The following SLC9A9 variants were observed in gnomAD, a reference collection of about 807,000 sequenced individuals.
SLC9A9 encodes the protein sodium/hydrogen exchanger 9.
SLC9A9 carries 62 observed loss-of-function variants against 77.8 expected under a neutral mutation model. That is an observed-to-expected ratio of 0.80 (90% CI 0.65 to 0.98). The LOEUF (loss-of-function observed/expected upper bound fraction) is 0.98, where lower values mean the gene tolerates loss of function less well. Among genes scored for constraint, SLC9A9 ranks in the 50% least tolerant of loss-of-function variants. SLC9A9 has a pLI of 0.00. For missense variants in SLC9A9, 775 were observed against 774.9 expected, an observed-to-expected ratio of 1.00 and a Z score of 0.00; for synonymous variants, 320 against 283.5, an observed-to-expected ratio of 1.13 and a Z score of -1.29.
chr3:143,785,147 A>G (rs766787072), intron 4 of SLC9A9, among the ~76,000 whole-genome samples: 1 of 152,178 alleles, frequency 6.6e-6, no homozygotes, highest in Admixed American at 6.5e-5. Context: ...ACCCTTTTGC[A>G]ATGTGACATT....
At chr3:143,799,744 C>T (rs1424695608) in intron 2 of SLC9A9, among the ~76,000 whole-genome samples, 1 of 152,226 alleles carries the variant, frequency 6.6e-6, no homozygotes, top group African/African-American at 2.4e-5. Context: ...ATCTTCTCAG[C>T]TTAGCGGCTG....
chr3:143,453,377 T>C (rs2035039661), intron 12 of SLC9A9, among the ~76,000 whole-genome samples: 2 of 152,018 alleles, frequency 1.3e-5, no homozygotes, highest in African/African-American at 2.4e-5. Flanking sequence ...TAATAATACC[T>C]AAACCCAGTA....
intron 9 of SLC9A9, among the ~76,000 whole-genome samples, chr3:143,528,283 T>C (rs1487576907): frequency 1.3e-5 from 2 of 152,238 alleles, no homozygotes; most frequent in Non-Finnish European, 2.9e-5. Flanking sequence ...GTAAGAATTA[T>C]TGTTGGAATT....
chr3:143,348,810 G>T (rs1473353608), intron 14 of SLC9A9, among the ~76,000 whole-genome samples: 1 of 152,156 alleles, frequency 6.6e-6, no homozygotes, highest in Non-Finnish European at 1.5e-5. Context: ...TGTCTAGAAC[G>T]CTTTGGGTAC....
At chr3:143,464,181 T>G (rs2035243217) in intron 12 of SLC9A9, among the ~76,000 whole-genome samples, 1 of 152,214 alleles carries the variant, frequency 6.6e-6, no homozygotes, top group Non-Finnish European at 1.5e-5. Flanking sequence ...TTGTGTGATT[T>G]TATTAAAGCT....
At chr3:143,549,980 G>A (rs538339609) in intron 9 of SLC9A9, among the ~76,000 whole-genome samples, 1 of 152,240 alleles carries the variant, frequency 6.6e-6, no homozygotes, top group South Asian at 2.1e-4. Context: ...TTTTGTTTGG[G>A]GGGCTTTTTT....
chr3:143,639,170 C>A (rs1008138409), intron 6 of SLC9A9, among the ~76,000 whole-genome samples: 2 of 152,200 alleles, frequency 1.3e-5, no homozygotes, highest in African/African-American at 4.8e-5. Flanking sequence ...TTAGCTGCAC[C>A]TACCCTCCAC....
At chr3:143,635,605 C>A (rs1053179786) in intron 6 of SLC9A9, among the ~76,000 whole-genome samples, 4 of 152,180 alleles carry the variant, frequency 2.6e-5, no homozygotes. Context: ...TACAAATAGC[C>A]TCCAGCAGAG....
intron 6 of SLC9A9, chr3:143,627,449 G>T (rs2038350408): frequency 4.5e-6 from 1 of 223,492 alleles, no homozygotes; most frequent in Non-Finnish European, 9.6e-6. Context: ...ATGAATGTCA[G>T]CTCCGTTTGT....
chr3:143,617,646 T>C (rs945186674), intron 6 of SLC9A9, among the ~76,000 whole-genome samples: 6 of 152,248 alleles, frequency 3.9e-5, no homozygotes, highest in African/African-American at 1.4e-4. Context: ...CTTTTCAGCA[T>C]GGCAAGAATT....
chr3:143,594,723 G>T (rs915409150), intron 6 of SLC9A9, among the ~76,000 whole-genome samples: 1 of 151,898 alleles, frequency 6.6e-6, no homozygotes, highest in East Asian at 1.9e-4. Context: ...ACTTGTATCT[G>T]CACATTTTCT....
intron 14 of SLC9A9, among the ~76,000 whole-genome samples, chr3:143,347,228 G>T (rs2108470040): frequency 6.6e-6 from 1 of 152,074 alleles, no homozygotes; most frequent in South Asian, 2.1e-4. Flanking sequence ...GCCATGTATT[G>T]GCCCAGTAAT....
intron 14 of SLC9A9, among the ~76,000 whole-genome samples, chr3:143,324,357 T>C (rs577429085): frequency 6.6e-6 from 1 of 152,332 alleles, no homozygotes; most frequent in East Asian, 1.9e-4. Flanking sequence ...ACCACTGTTG[T>C]GTCAGACCAA....
chr3:143,416,795 A>T (rs949561866), intron 12 of SLC9A9, among the ~76,000 whole-genome samples: 1 of 152,236 alleles, frequency 6.6e-6, no homozygotes, highest in African/African-American at 2.4e-5. Flanking sequence ...CACATATTAC[A>T]TGTGTATATC....
At chr3:143,586,371 CT>C (rs1461232217) in intron 6 of SLC9A9, among the ~76,000 whole-genome samples, 4 of 152,306 alleles carry the variant, frequency 2.6e-5, no homozygotes, top group Non-Finnish European at 5.9e-5. Flanking sequence ...AGTTTCTTTT[CT>C]CCACATCTAC....
chr3:143,664,124 C>T (rs999816764), intron 5 of SLC9A9, among the ~76,000 whole-genome samples: 6 of 152,120 alleles, frequency 3.9e-5, no homozygotes, highest in South Asian at 4.2e-4. Context: ...AGACTAACAG[C>T]GGATCTCTCT....
intron 2 of SLC9A9, among the ~76,000 whole-genome samples, chr3:143,828,496 A>G (rs1267812377): frequency 6.6e-6 from 1 of 152,148 alleles, no homozygotes; most frequent in Non-Finnish European, 1.5e-5. Context: ...AAGCAAATAC[A>G]TGTATAATTT....
At chr3:143,595,374 T>A (rs531014568) in intron 6 of SLC9A9, among the ~76,000 whole-genome samples, 17 of 152,228 alleles carry the variant, frequency 1.1e-4, no homozygotes, top group Non-Finnish European at 2.2e-4. Context: ...TTATCAAGCA[T>A]CTGCTGAGGC....
At chr3:143,375,302 CA>C (rs919239929) in intron 13 of SLC9A9, among the ~76,000 whole-genome samples, 1 of 152,164 alleles carries the variant, frequency 6.6e-6, no homozygotes, top group African/African-American at 2.4e-5. Context: ...GCCATTTTTT[CA>C]ACCCTGTATC....
Sources: allele counts gnomAD v4.1 joint callset (sites outside exome capture counted in the v4.1 genomes callset), GRCh38; gene constraint gnomAD v4.1.1; transcripts MANE v1.5; gene names NCBI Gene and HGNC (gene_info 2026-07-23, HGNC 2026-07-21).